The following ANKRD11 variants were observed in gnomAD, a reference collection of about 807,000 sequenced individuals.
ANKRD11 encodes ankyrin repeat domain 11.
ANKRD11 carries 17 observed loss-of-function variants against 195.7 expected under a neutral mutation model. The observed-to-expected ratio is 0.09, with a 90% confidence interval of 0.06 to 0.13. ANKRD11 has a LOEUF of 0.13. ANKRD11 is among the 10% of genes least tolerant of loss of function. ANKRD11 has a pLI of 1.00. For missense variants in ANKRD11, 3,735 were observed against 3,566.1 expected (o/e 1.05, Z -1.21); for synonymous variants, 1,953 against 1,528.1 (o/e 1.28, Z -6.49).
Position 89,281,596 on chromosome 16 carries a change from A to C in ANKRD11, c.4946T>G (p.Phe1649Cys). ...CGACTCTTTGAGCTTTTTGTCTTTA[A>C]ATGGAGGGTCCAGCCCCGGCGGTTT... Reference protein sequence around the residue: ...AKKPPGLDPPFKDKKLKESTP... With the variant: ...AKKPPGLDPPCKDKKLKESTP... Residue 1649 changes from phenylalanine to cysteine, a missense_variant, in exon 9 of 13, where the codon TTT becomes TGT. Transcript: ENST00000301030. This position sits in a 1 kb window ranked among gnomAD's most constrained non-coding sequence, Gnocchi z 5.5. 6.2e-7 allele frequency: 1 copy of C among 1,614,064 alleles called. No homozygotes were observed.
chr16:89,341,867 G>A (rs1244072092), intron 2 of ANKRD11, among the ~76,000 whole-genome samples: 165 of 51,380 alleles, frequency 3.2e-3, no homozygotes, highest in Middle Eastern at 0.013. Context: ...CACCCACAGC[G>A]GCCACGGCCC....
In ANKRD11 at chr16:89,326,378, GC is replaced by G. The variant is rs563979233; in HGVS notation, c.-59-9301del. 5.1e-3 allele frequency among the ~76,000 whole-genome samples: 774 copies of G among 151,190 alleles called. 8 individuals are homozygous for G. Among genetic ancestry groups the G allele is most frequent in the African/African-American group, 0.018 (742 of 41,128 alleles). On this transcript the variant is annotated intron_variant, in intron 2 of 12. Coordinates refer to ENST00000301030, the MANE Select transcript of ANKRD11 (RefSeq NM_013275.6). ...GTCTGCAGAAGGGGACGCAGCCACC[GC>G]CCCCCCCACCCCGCTGCAGAAGGTG... is the stretch of plus-strand genomic sequence containing the variant.
chr16:89,396,479 A>G lies in ANKRD11; in HGVS notation c.-60+21805T>C, dbSNP rs534549751. ...GGGTTTTGGTGTCGTATCAATGAAA[A>G]TCTCCATAATTATATCAAAAAGCTA... On this transcript the variant is annotated intron_variant, in intron 2 of 12. Transcript: ENST00000301030. Among the ~76,000 whole-genome samples, 113 of 152,072 alleles carry G rather than the reference A, an allele frequency of 7.4e-4. 4 individuals carry two copies. The South Asian group carries it at 0.022, about 30-fold the overall frequency.
At chr16:89,432,530 G>A (rs2043025991) in intron 1 of ANKRD11, among the ~76,000 whole-genome samples, 1 of 152,150 alleles carries the variant, frequency 6.6e-6, no homozygotes. Context: ...CTTTTCTACT[G>A]TGTCCAGCTG....
chr16:89,269,900 G>A (rs2032986178), intron 12 of ANKRD11: 1 of 152,172 alleles, frequency 6.6e-6, no homozygotes, highest in African/African-American at 2.4e-5. Flanking sequence ...CCCGCCCAAA[G>A]TCCCATTTTA....
intron 1 of ANKRD11, among the ~76,000 whole-genome samples, chr16:89,479,942 C>CA (rs1184052902): frequency 0.016 from 1,155 of 73,192 alleles, 17 homozygotes; most frequent in Non-Finnish European, 0.018. Context: ...GACTCCATCT[C>CA]AAAAAAAAAA....
intron 1 of ANKRD11, among the ~76,000 whole-genome samples, chr16:89,450,452 G>A (rs1270808542): frequency 6.6e-6 from 1 of 152,152 alleles, no homozygotes; most frequent in Non-Finnish European, 1.5e-5. Context: ...CCCTCCGACG[G>A]TGTACAAGGA....
intron 2 of ANKRD11, among the ~76,000 whole-genome samples, chr16:89,413,069 G>T (rs898722470): frequency 6.6e-6 from 1 of 152,162 alleles, no homozygotes; most frequent in African/African-American, 2.4e-5. Context: ...GCCTGGAGGG[G>T]GAGGGAGTAG....
intron 2 of ANKRD11, among the ~76,000 whole-genome samples, chr16:89,362,135 T>C (rs1254927045): frequency 6.6e-6 from 1 of 152,264 alleles, no homozygotes; most frequent in African/African-American, 2.4e-5. Flanking sequence ...ATCTGACATG[T>C]GGCTTAACAA....
At position 89,330,766 on chromosome 16, in the gene ANKRD11, C is replaced by T. The variant is rs550937180; in HGVS notation, c.-59-13688G>A. On this transcript the variant is annotated intron_variant, in intron 2 of 12. Transcript: ENST00000301030. ...CTGTTCCTCCTCGGCGAGTTCCAAC[C>T]TCTAGCCCACACTCTGCAGAGAACG... is the stretch of plus-strand genomic sequence containing the variant. Among the ~76,000 whole-genome samples, 10 of 150,730 alleles carry T rather than the reference C, an allele frequency of 6.6e-5. No individual in the cohort carries two copies. The South Asian group carries it at 2.1e-3, about 32-fold the overall frequency.
chr16:89,326,835 G>T (rs1014758349), intron 2 of ANKRD11, among the ~76,000 whole-genome samples: 3 of 152,204 alleles, frequency 2.0e-5, no homozygotes, highest in Non-Finnish European at 4.4e-5. Flanking sequence ...CTAAGAAAGG[G>T]GCTTAACACA....
intron 2 of ANKRD11, among the ~76,000 whole-genome samples, chr16:89,317,329 A>G (rs1005984546): frequency 2.6e-5 from 4 of 152,220 alleles, no homozygotes; most frequent in African/African-American, 9.7e-5. Flanking sequence ...TAGTGGCAGA[A>G]AGGGACGCAT....
intron 2 of ANKRD11, among the ~76,000 whole-genome samples, chr16:89,383,674 C>CA (rs1567727812): frequency 2.6e-5 from 4 of 152,140 alleles, no homozygotes; most frequent in Admixed American, 2.6e-4. Context: ...CTCGGACCAG[C>CA]AACGCAGCAG....
chr16:89,483,060 G>A (rs2057495413), intron 1 of ANKRD11, among the ~76,000 whole-genome samples: 1 of 152,132 alleles, frequency 6.6e-6, no homozygotes, highest in South Asian at 2.1e-4. Context: ...AACCAACACG[G>A]GCAGCACTGA....
At chr16:89,342,269 C>T (rs530842849) in intron 2 of ANKRD11, among the ~76,000 whole-genome samples, 1 of 152,258 alleles carries the variant, frequency 6.6e-6, no homozygotes, top group African/African-American at 2.4e-5. Flanking sequence ...ACATCAAGAG[C>T]TGCTGGTGAA....
At chr16:89,336,753 T>G (rs1048592236) in intron 2 of ANKRD11, among the ~76,000 whole-genome samples, 6 of 152,232 alleles carry the variant, frequency 3.9e-5, no homozygotes, top group African/African-American at 1.4e-4. Context: ...GCTTCTAATG[T>G]TCTGACTACA....
Position 89,284,947 on chromosome 16 carries a change from T to C in ANKRD11, c.1595A>G (p.Gln532Arg). 6.2e-7 allele frequency: 1 copy of C among 1,614,138 alleles called. No homozygotes were observed. The highest frequency in any genetic ancestry group is 8.5e-7 in the Non-Finnish European group (1 of 1,180,010). ...STSSHGSSAAQKQNPSHTDQH... is the reference protein window; with the variant it reads ...STSSHGSSAARKQNPSHTDQH... Reference sequence around the variant, plus strand: ...GTCTGTGTGGCTGGGGTTCTGCTTCTGGGCGGCAGAGCTCCCGTGAGACGA... The same window carrying C: ...GTCTGTGTGGCTGGGGTTCTGCTTCCGGGCGGCAGAGCTCCCGTGAGACGA... The change falls in exon 9 of 13, where the codon CAG becomes CGG. Residue 532 changes from glutamine to arginine, a missense_variant. Coordinates refer to ENST00000301030, the MANE Select transcript of ANKRD11 (RefSeq NM_013275.6).
At chr16:89,438,994 A>C (rs2043332935) in intron 1 of ANKRD11, among the ~76,000 whole-genome samples, 1 of 152,118 alleles carries the variant, frequency 6.6e-6, no homozygotes, top group Admixed American at 6.6e-5. Context: ...CCTGCCTCAA[A>C]CAAAAACAGA....
intron 2 of ANKRD11, among the ~76,000 whole-genome samples, chr16:89,372,039 C>T (rs559376766): frequency 1.1e-4 from 17 of 152,314 alleles, no homozygotes; most frequent in African/African-American, 3.6e-4. Flanking sequence ...CAGGACTGAG[C>T]ACTCACACTG....
Sources: allele counts gnomAD v4.1 joint callset (sites outside exome capture counted in the v4.1 genomes callset), GRCh38; gene constraint gnomAD v4.1.1; non-coding constraint Gnocchi (gnomAD v3.1); transcripts MANE v1.5; gene names NCBI Gene and HGNC (gene_info 2026-07-23, HGNC 2026-07-21).